ADAMTS19: variants seen among roughly 807,000 people sequenced by gnomAD.
ADAMTS19 encodes ADAM metallopeptidase with thrombospondin type 1 motif 19.
A neutral mutation model predicts 153.3 loss-of-function variants in ADAMTS19; 93 were observed. The observed-to-expected ratio is 0.61, with a 90% CI of 0.51 to 0.72. The LOEUF is 0.72. Ranked by LOEUF, ADAMTS19 falls within the 30% of genes least tolerant of loss-of-function variation. The pLI, the probability that ADAMTS19 is intolerant of heterozygous loss-of-function variation, is 0.00. For synonymous variants in ADAMTS19, 600 were observed against 556.6 expected (o/e 1.08, Z -1.10); for missense variants, 1,482 against 1,552.1 (o/e 0.95, Z 0.76).
intron 22 of ADAMTS19, 46 bp from the exon 23 acceptor site, chr5:129,737,021 T>C: frequency 6.7e-7 from 1 of 1,493,834 alleles, no homozygotes; most frequent in East Asian, 2.4e-5. Flanking sequence ...TTTACTGACA[T>C]ATATGATATC....
At chr5:129,702,883 TTTAAG>T (rs1272302216) in intron 20 of ADAMTS19, among the ~76,000 whole-genome samples, 12 of 143,904 alleles carry the variant, frequency 8.3e-5, no homozygotes, top group Non-Finnish European at 1.8e-4. Context: ...ATTGTTTTAC[TTTAAG>T]TTAAAACTCA....
chr5:129,720,978 AAGT>A (rs1045729413), intron 21 of ADAMTS19, among the ~76,000 whole-genome samples: 5 of 152,210 alleles, frequency 3.3e-5, no homozygotes, highest in African/African-American at 1.2e-4. Context: ...TACTTTACAA[AAGT>A]AGATTCAAGT....
chr5:129,637,418 T>C (rs1377435291), intron 10 of ADAMTS19, among the ~76,000 whole-genome samples: 1 of 152,222 alleles, frequency 6.6e-6, no homozygotes, highest in Non-Finnish European at 1.5e-5. Context: ...TCTAAATTAA[T>C]ACATGAAGTA....
chr5:129,524,489 C>CA (rs1164814321), intron 3 of ADAMTS19, among the ~76,000 whole-genome samples: 1 of 151,672 alleles, frequency 6.6e-6, no homozygotes, highest in East Asian at 1.9e-4. Context: ...TTCTGCATAG[C>CA]AAAAGAAACT....
intron 8 of ADAMTS19, among the ~76,000 whole-genome samples, chr5:129,604,391 A>G (rs1284075917): frequency 6.6e-6 from 1 of 152,156 alleles, no homozygotes; most frequent in African/African-American, 2.4e-5. Flanking sequence ...TTCTAAAGAA[A>G]GCATTCTCTA....
At chr5:129,528,171 T>G (rs1418026621) in intron 5 of ADAMTS19, among the ~76,000 whole-genome samples, 3 of 152,058 alleles carry the variant, frequency 2.0e-5, no homozygotes, top group African/African-American at 7.2e-5. Flanking sequence ...GACATCATTT[T>G]GATATGCTGC....
intron 7 of ADAMTS19, among the ~76,000 whole-genome samples, chr5:129,592,909 C>A (rs1750209948): frequency 6.6e-6 from 1 of 151,972 alleles, no homozygotes; most frequent in African/African-American, 2.4e-5. Context: ...GCAATCATAC[C>A]TCTATGTAAG....
At chr5:129,471,458 G>GGAAGGAAGGAAA (rs1750065217) in intron 2 of ADAMTS19, among the ~76,000 whole-genome samples, 1 of 117,610 alleles carries the variant, frequency 8.5e-6, no homozygotes, top group African/African-American at 3.5e-5. Flanking sequence ...AAAGAAGGAA[G>GGAAGGAAGGAAA]GAAGGAAGGA....
At chr5:129,491,461 T>G (rs1561537036) in intron 2 of ADAMTS19, among the ~76,000 whole-genome samples, 1 of 152,222 alleles carries the variant, frequency 6.6e-6, no homozygotes, top group Non-Finnish European at 1.5e-5. Context: ...CCTTGCTTAT[T>G]GGTCAGGTTG....
At chr5:129,559,591 G>GT (rs1753429283) in intron 7 of ADAMTS19, among the ~76,000 whole-genome samples, 2 of 152,104 alleles carry the variant, frequency 1.3e-5, no homozygotes, top group Non-Finnish European at 2.9e-5. Flanking sequence ...AGAACTTTGG[G>GT]CGGTATTTAG....
intron 8 of ADAMTS19, among the ~76,000 whole-genome samples, chr5:129,612,877 G>C (rs1409632417): frequency 3.3e-5 from 5 of 151,978 alleles, no homozygotes; most frequent in African/African-American, 1.2e-4. Context: ...AAAAAGGCAG[G>C]GGTTGCAATC....
chr5:129,460,345 G>A lies in ADAMTS19; in HGVS notation c.-47G>A. On this transcript the variant is annotated 5_prime_UTR_variant, in exon 1 of 23. Transcript: ENST00000274487. ...GCCGCTGCGCCCCGGAGTGGATCGC[G>A]CTGGAGGCGTGCGCCGGGCGAGAAG... is the stretch of plus-strand genomic sequence containing the variant. 1 of 1,543,700 alleles carries A rather than the reference G, an allele frequency of 6.5e-7. No homozygotes were observed. The highest frequency in any genetic ancestry group is 8.9e-7 in the Non-Finnish European group (1 of 1,127,610).
At chr5:129,606,778 T>C (rs1001464580) in intron 8 of ADAMTS19, among the ~76,000 whole-genome samples, 1 of 152,212 alleles carries the variant, frequency 6.6e-6, no homozygotes. Context: ...ATTTTTTTAT[T>C]ATCCCAACTT....
In ADAMTS19 at chr5:129,701,502, G is replaced by C. The variant is rs766226159; in HGVS notation, c.3069G>C (p.Glu1023Asp). Residue 1023 changes from glutamate to aspartate, a missense_variant, in exon 20 of 23, where the codon GAG (glutamate) becomes GAC (aspartate). Transcript: ENST00000274487. ...ATGGAACACTGATTAGAGCCCGAGA[G>C]AGGGACTGCATTGGGCCCAAGCCCG... The part of the protein sequence containing the change: ...LSNGTLIRAR[E>D]RDCIGPKPAS... 1 of 1,614,212 alleles carries C rather than the reference G, an allele frequency of 6.2e-7. No homozygotes were observed. The highest frequency in any genetic ancestry group is 1.7e-5 in the Admixed American group (1 of 60,026).
intron 2 of ADAMTS19, among the ~76,000 whole-genome samples, chr5:129,508,710 C>T (rs10071253): frequency 0.17 from 25,616 of 151,790 alleles, 3,749 homozygotes; most frequent in African/African-American, 0.4. Flanking sequence ...TTGGACTGTG[C>T]CATGTATGCA....
chr5:129,617,331 G>C (rs2126969532), intron 8 of ADAMTS19, among the ~76,000 whole-genome samples: 1 of 152,062 alleles, frequency 6.6e-6, no homozygotes, highest in East Asian at 1.9e-4. Flanking sequence ...TCAGAATCAG[G>C]ACCAGGATCA....
chr5:129,496,700 A>G (rs1750936661), intron 2 of ADAMTS19, among the ~76,000 whole-genome samples: 1 of 152,074 alleles, frequency 6.6e-6, no homozygotes, highest in Admixed American at 6.6e-5. Flanking sequence ...CTAGGCTGGA[A>G]TTGCATGAGA....
intron 22 of ADAMTS19, among the ~76,000 whole-genome samples, chr5:129,735,770 T>C (rs963193691): frequency 2.6e-5 from 4 of 152,036 alleles, no homozygotes; most frequent in African/African-American, 9.7e-5. Flanking sequence ...TAAGTAGATA[T>C]AGCCTACACT....
chr5:129,512,350 G>A lies in ADAMTS19; in HGVS notation c.913+3108G>A, dbSNP rs1751466824. 2.6e-5 allele frequency among the ~76,000 whole-genome samples: 4 copies of A among 152,140 alleles called. No homozygotes were observed. The South Asian group carries it at 6.2e-4, about 24-fold the overall frequency. ...GAGGGCATTAGAGAGAACACACACT[G>A]AGTACTGGTGAATAATTCTACATTT... On this transcript the variant is annotated intron_variant, in intron 3 of 22. Coordinates refer to ENST00000274487, the MANE Select transcript of ADAMTS19 (RefSeq NM_133638.6).
Sources: allele counts gnomAD v4.1 joint callset (sites outside exome capture counted in the v4.1 genomes callset), GRCh38; gene constraint gnomAD v4.1.1; transcripts MANE v1.5; gene names NCBI Gene and HGNC (gene_info 2026-07-23, HGNC 2026-07-21).